THAP9: variants seen among roughly 807,000 people sequenced by gnomAD.
The protein encoded by THAP9 is DNA transposase THAP9.
In THAP9, 20 loss-of-function variants were observed where a neutral mutation model predicts 35.7. The ratio of observed to expected loss-of-function variants is 0.56; its 90% confidence interval spans 0.39 to 0.81. THAP9 has a LOEUF of 0.81. Ranked by LOEUF, THAP9 falls within the 40% of genes least tolerant of loss-of-function variation. The pLI is 0.00. For synonymous variants in THAP9, 335 were observed against 373.7 expected, an observed-to-expected ratio of 0.90 and a Z score of 1.19; for missense variants, 870 against 1,047.4, an observed-to-expected ratio of 0.83 and a Z score of 2.34.
chr4:82,906,778 A>G, intron 3 of THAP9, 151 bp downstream of exon 3: 2 of 736,596 alleles, frequency 2.7e-6, no homozygotes, highest in East Asian at 5.9e-5. Flanking sequence ...ATTAATCACC[A>G]AAATTCTTTT....
intron 4 of THAP9, among the ~76,000 whole-genome samples, chr4:82,913,593 A>T (rs889177746): frequency 1.9e-5 from 1 of 51,598 alleles, no homozygotes; most frequent in Non-Finnish European, 7.7e-5. Context: ...TTTTAGGTTC[A>T]GGGGTACATG....
intron 4 of THAP9, chr4:82,913,465 A>G (rs1240826926): frequency 6.6e-6 from 1 of 152,224 alleles, no homozygotes; most frequent in Non-Finnish European, 1.5e-5. Flanking sequence ...AAATTTTTAA[A>G]CAATTAAAAT....
chr4:82,904,811 T>C lies in THAP9; in HGVS notation c.156T>C (p.Ile52=), dbSNP rs1448218098. Residue 52 remains isoleucine (I), a synonymous_variant, in exon 2 of 5, where the codon ATT becomes ATC. Transcript: ENST00000302236. ...VNRVDPRSKK[I]WIPGPGAILC... is the part of the protein sequence containing the mutation. ...GTGTGGACCCCAGAAGCAAAAAGATTTGGATTCCAGGACCAGGTGCTATAC... is the reference window on the plus strand; with the variant it reads ...GTGTGGACCCCAGAAGCAAAAAGATCTGGATTCCAGGACCAGGTGCTATAC... 6.2e-7 allele frequency: 1 copy of C among 1,614,134 alleles called. No individual in the cohort carries two copies. Among genetic ancestry groups the C allele is most frequent in the Non-Finnish European group, 8.5e-7 (1 of 1,180,030 alleles).
rs747536047 is a variant in THAP9 at position 82,918,829 on chromosome 4, T to C, written c.2617T>C (p.Trp873Arg). Reference sequence around the variant, plus strand: ...TATGAAAACTTTATCAAGGAAACACTGGTCATCTGTACAGGATTATAAATG... The same window carrying C: ...TATGAAAACTTTATCAAGGAAACACCGGTCATCTGTACAGGATTATAAATG... ...TDMKTLSRKH[W>R]SSVQDYKCSS... is the part of the protein sequence containing the mutation. The change falls in exon 5 of 5, where the codon TGG becomes CGG. Residue 873 changes from tryptophan to arginine, a missense_variant. Physicochemically the swap from Trp to Arg is moderately radical, Grantham distance 101. Coordinates refer to ENST00000302236, the MANE Select transcript of THAP9 (RefSeq NM_024672.6). 6.2e-7 allele frequency: 1 copy of C among 1,613,782 alleles called. No individual in the cohort carries two copies. Among genetic ancestry groups the C allele is most frequent in the Admixed American group, 1.7e-5 (1 of 60,024 alleles).
chr4:82,918,159 T>A lies in THAP9; in HGVS notation c.1947T>A (p.Asp649Glu), dbSNP rs1461971465. ...TGGAGACCAGATACAAATTTCAAGA[T>A]GAAGTTTTTCTAAGCAAAGTAAGCA... ...YNLETRYKFQDEVFLSKVSIF... is the reference protein window; with the variant it reads ...YNLETRYKFQEEVFLSKVSIF... The change falls in exon 5 of 5, where the codon GAT becomes GAA. Residue 649 changes from aspartate to glutamate, a missense_variant. By Grantham distance (45) the Asp-to-Glu change is conservative. Transcript: ENST00000302236. The A allele has an allele frequency of 6.2e-7, 1 of 1,614,166 alleles. No individual in the cohort carries two copies.
rs763926043 is a variant in THAP9 at position 82,918,427 on chromosome 4, C to T, written c.2215C>T (p.Leu739=). Residue 739 remains leucine (L), a synonymous_variant, in exon 5 of 5, where the codon CTG becomes TTG. Transcript: ENST00000302236. ...LLTCEDCITA[L]YASDLKASKI... ...AACTTGTGAGGACTGCATCACTGCA[C>T]TGTATGCATCGGATCTCAAAGCCTC... is the stretch of plus-strand genomic sequence containing the variant. 1.7e-5 allele frequency: 27 copies of T among 1,614,152 alleles called. No individual in the cohort carries two copies. The highest frequency in any genetic ancestry group is 2.1e-5 in the Non-Finnish European group (25 of 1,180,000).
chr4:82,913,042 T>C (rs532824729), intron 4 of THAP9, among the ~76,000 whole-genome samples: 1 of 152,310 alleles, frequency 6.6e-6, no homozygotes, highest in Non-Finnish European at 1.5e-5. Flanking sequence ...TTATACTTTT[T>C]GTATTGTTTT....
At chr4:82,912,444 T>G (rs1404727141) in intron 4 of THAP9, among the ~76,000 whole-genome samples, 1 of 152,162 alleles carries the variant, frequency 6.6e-6, no homozygotes. Flanking sequence ...ACTGTAGATC[T>G]CTAGGACTAT....
chr4:82,909,255 A>G (rs1476825135), intron 4 of THAP9, among the ~76,000 whole-genome samples: 2 of 152,180 alleles, frequency 1.3e-5, no homozygotes, highest in Non-Finnish European at 2.9e-5. Flanking sequence ...CACTATTACA[A>G]TAATACTACC....
chr4:82,904,976 G>C (rs763003694), intron 2 of THAP9, 45 bp downstream of exon 2: 1 of 1,584,056 alleles, frequency 6.3e-7, no homozygotes, highest in Non-Finnish European at 8.6e-7. Context: ...AATTTACAGA[G>C]CCTTTAAAAA....
In THAP9 at chr4:82,918,066, G is replaced by A; in HGVS notation, c.1854G>A (p.Met618Ile). ...ATCATCTGGAATTATTTCTAAAGATGCTTAGGCAGGTATTAGTAACAAGTT... is the reference window on the plus strand; with the variant it reads ...ATCATCTGGAATTATTTCTAAAGATACTTAGGCAGGTATTAGTAACAAGTT... ...SHDHLELFLK[M>I]LRQVLVTSSS... The change falls in exon 5 of 5, where the codon ATG becomes ATA. Residue 618 changes from methionine to isoleucine, a missense_variant. Physicochemically the swap from Met to Ile is conservative, Grantham distance 10 (BLOSUM62 1). Coordinates refer to ENST00000302236, the MANE Select transcript of THAP9 (RefSeq NM_024672.6). 6.2e-7 allele frequency: 1 copy of A among 1,614,042 alleles called. No individual in the cohort carries two copies. The highest frequency in any genetic ancestry group is 1.7e-5 in the Admixed American group (1 of 60,006).
At chr4:82,915,403 C>T (rs112971725) in intron 4 of THAP9, among the ~76,000 whole-genome samples, 3 of 151,950 alleles carry the variant, frequency 2.0e-5, no homozygotes, top group South Asian at 2.1e-4. Context: ...ATTACAGGTG[C>T]GCGCCACCAT....
At chr4:82,904,047 T>C (rs181234478) in intron 1 of THAP9, among the ~76,000 whole-genome samples, 39 of 147,138 alleles carry the variant, frequency 2.7e-4, no homozygotes, top group African/African-American at 9.3e-4. Flanking sequence ...GGGAGGGGAA[T>C]TAGGCTCCCC....
intron 4 of THAP9, among the ~76,000 whole-genome samples, chr4:82,912,623 G>T (rs13119020): frequency 0.2 from 30,996 of 152,150 alleles, 3,336 homozygotes; most frequent in South Asian, 0.32. Context: ...ATTGTAAATT[G>T]TGTAAATATG....
Position 82,900,874 on chromosome 4 carries a change from C to T in THAP9, c.72C>T (p.Ser24=), listed in dbSNP as rs1472521890. 3.1e-6 allele frequency: 5 copies of T among 1,613,430 alleles called. 1 individual carries two copies. In the South Asian group the frequency reaches 4.4e-5, roughly 14 times the overall value. The part of the protein sequence containing the change: ...DTVLSRERGL[S]FHQFPTDTIQ... The stretch of plus-strand genomic sequence containing the variant: ...TGCTCAGCCGGGAGCGCGGCCTCTC[C>T]TTCCACCAGTGCGTATGGGAGCAGC... The change falls in exon 1 of 5, where the codon TCC becomes TCT. Residue 24 remains serine (S), a synonymous_variant. Coordinates refer to ENST00000302236, the MANE Select transcript of THAP9 (RefSeq NM_024672.6).
chr4:82,904,394 T>C (rs1180589295), intron 1 of THAP9, among the ~76,000 whole-genome samples: 1 of 152,180 alleles, frequency 6.6e-6, no homozygotes, highest in East Asian at 1.9e-4. Context: ...GAGTACCAAA[T>C]AGTTTAAAAT....
At chr4:82,910,291 G>C (rs1376915624) in intron 4 of THAP9, 1 of 151,932 alleles carries the variant, frequency 6.6e-6, no homozygotes, top group African/African-American at 2.4e-5. Flanking sequence ...ATATTGTTTA[G>C]TATGATAGTA....
chr4:82,907,669 G>A (rs753006043), intron 3 of THAP9, 116 bp from the exon 4 acceptor site: 44 of 768,866 alleles, frequency 5.7e-5, no homozygotes, highest in Non-Finnish European at 8.5e-5. Context: ...TAATCAAAAT[G>A]CAACTATATT....
Position 82,917,610 on chromosome 4 carries a change from A to G in THAP9, c.1398A>G (p.Ala466=), listed in dbSNP as rs754682050. 6.2e-7 allele frequency: 1 copy of G among 1,614,078 alleles called. No homozygotes were observed. The highest frequency in any genetic ancestry group is 1.7e-5 in the Admixed American group (1 of 60,016). Residue 466 remains alanine, a synonymous_variant, in exon 5 of 5, where the codon GCA becomes GCG. Transcript: ENST00000302236. ...SNMERIPSTL[A]NLKNHVLKVN... The stretch of plus-strand genomic sequence containing the variant: ...TGGAAAGAATACCAAGTACACTTGC[A>G]AATTTGAAAAATCATGTACTGAAAG...
Sources: gnomAD v4.1 joint callset for allele counts (sites outside exome capture counted in the v4.1 genomes callset) on GRCh38, gnomAD v4.1.1 for gene constraint, MANE v1.5 for transcripts, NCBI Gene and HGNC (gene_info 2026-07-23, HGNC 2026-07-21) for gene names.